The following OGG1 variants were observed in gnomAD, a reference collection of about 807,000 sequenced individuals.
OGG1 encodes the protein N-glycosylase/DNA lyase.
A neutral mutation model predicts 42.3 loss-of-function variants in OGG1; 35 were observed. The observed-to-expected ratio is 0.83, with a 90% CI of 0.63 to 1.10. The LOEUF is 1.10. Among genes scored for constraint, OGG1 ranks in the 50% least tolerant of loss-of-function variants. The probability of loss-of-function intolerance (pLI) is 0.00; values close to 1 mark genes in which losing one functional copy is unlikely to be tolerated. For synonymous variants in OGG1, 189 were observed against 179.0 expected, an observed-to-expected ratio of 1.06 and a Z score of -0.44; for missense variants, 484 against 446.7, an observed-to-expected ratio of 1.08 and a Z score of -0.75.
At chr3:9,766,293 C>T in exon 8 of OGG1, 1 of 700,270 alleles carries the variant, frequency 1.4e-6, no homozygotes, top group Middle Eastern at 2.6e-4. Context: ...ATTATGTGGC[C>T]CTCTGGATCC....
At chr3:9,759,097 T>C, downstream of OGG1, 1 of 1,078,804 alleles carries the variant, frequency 9.3e-7, no homozygotes, top group Non-Finnish European at 1.4e-6. Context: ...CCTCAGCCCC[T>C]CCAGTCTGGC....
chr3:9,757,848 T>C, downstream of OGG1: 2 of 1,603,232 alleles, frequency 1.2e-6, no homozygotes, highest in Non-Finnish European at 1.7e-6. This position sits in a 1 kb window ranked among gnomAD's most constrained non-coding sequence, Gnocchi z 4.5. Context: ...GAAGGCTTGC[T>C]GGCATTGAAG....
intron 3 of OGG1, chr3:9,787,035 T>A: frequency 6.2e-7 from 1 of 1,614,180 alleles, no homozygotes; most frequent in Non-Finnish European, 8.5e-7. Flanking sequence ...AGGCGCTGCG[T>A]CAGGGCACCA....
chr3:9,766,097 A>G (rs2125594295), exon 8 of OGG1: 1 of 1,482,630 alleles, frequency 6.7e-7, no homozygotes, highest in Middle Eastern at 1.7e-4. Context: ...GGCCACAGTA[A>G]TTGGTCATGT....
intron 7 of OGG1, among the ~76,000 whole-genome samples, chr3:9,763,841 C>T (rs2078009537): frequency 6.6e-6 from 1 of 152,074 alleles, no homozygotes; most frequent in South Asian, 2.1e-4. Flanking sequence ...CAAAAATTAG[C>T]CAGGCATGGT....
chr3:9,751,965 C>T lies in OGG1; in HGVS notation c.565+16C>T. On this transcript the variant is annotated intron_variant, in intron 3 of 6. Coordinates refer to ENST00000344629, the MANE Select transcript of OGG1 (RefSeq NM_002542.6). ...GCCCTGGCTGGTGAGTAGGTGGGTC[C>T]CCTGCCCCCAGGCCTTCCATCAGCT... 1 of 1,612,318 alleles carries T rather than the reference C, an allele frequency of 6.2e-7. No individual in the cohort carries two copies. The highest frequency in any genetic ancestry group is 1.7e-5 in the Admixed American group (1 of 59,994).
rs757357172 is a variant in OGG1, at chr3:9,754,903, A to G, written c.747+18A>G. On this transcript the variant is annotated intron_variant, in intron 4 of 6. Coordinates refer to ENST00000344629, the MANE Select transcript of OGG1 (RefSeq NM_002542.6). ...GCACCAAGGTGAGGCCCCAGGGGGT[A>G]GGAGCTGCCCTCTCTACTGACACTA... 7.0e-6 allele frequency: 11 copies of G among 1,567,866 alleles called. No homozygotes were observed. The South Asian group carries it at 1.2e-4, about 17-fold the overall frequency.
At chr3:9,760,954 G>T, downstream of OGG1, 3 of 844,076 alleles carry the variant, frequency 3.6e-6, no homozygotes, top group Non-Finnish European at 3.5e-6. Flanking sequence ...TGTATGTGCC[G>T]CCATCTTGCC....
At chr3:9,757,478 AG>A, downstream of OGG1, 1 of 1,603,206 alleles carries the variant, frequency 6.2e-7, no homozygotes. The surrounding 1 kb of genome is among the most constrained non-coding windows in gnomAD (Gnocchi z 4.5). Context: ...CAGGGAGGGA[AG>A]GGGAGCAGGC....
intron 7 of OGG1, chr3:9,763,156 GAGGT>G: frequency 6.2e-7 from 1 of 1,614,122 alleles, no homozygotes; most frequent in Non-Finnish European, 8.5e-7. Flanking sequence ...TGATGAGGTA[GAGGT>G]GGCCCCCACT....
At chr3:9,750,507 T>C (rs2077250549) in intron 1 of OGG1, 84 bp downstream of exon 1, 1 of 1,585,178 alleles carries the variant, frequency 6.3e-7, no homozygotes, top group African/African-American at 1.3e-5. Context: ...ACAAAGGAAT[T>C]TGGGGGATGA....
chr3:9,767,695 T>C, downstream of OGG1: 4 of 1,614,148 alleles, frequency 2.5e-6, no homozygotes, highest in Non-Finnish European at 3.4e-6. Context: ...AAGTCGTAGA[T>C]GTCTCTAATG....
downstream of OGG1, chr3:9,759,956 CAT>C (rs927614459): frequency 5.8e-5 from 40 of 686,626 alleles, no homozygotes; most frequent in African/African-American, 6.9e-4. Flanking sequence ...TTAAGAAAAA[CAT>C]ATGGCCGGGC....
chr3:9,750,157 A>G lies in OGG1; in HGVS notation c.-130A>G. Reference sequence around the variant, plus strand: ...GTGGAGGAATTAAGTGAAACAGGGAAGGTTGTTAAACAGCACCGTGTGGGC... The same window carrying G: ...GTGGAGGAATTAAGTGAAACAGGGAGGGTTGTTAAACAGCACCGTGTGGGC... On this transcript the variant is annotated 5_prime_UTR_variant, in exon 1 of 7. Transcript: ENST00000344629. The G allele has an allele frequency of 8.6e-7, 1 of 1,161,408 alleles. No homozygotes were observed. The highest frequency in any genetic ancestry group is 1.2e-6 in the Non-Finnish European group (1 of 826,318). 71.9% of individuals were successfully genotyped at this position (1,161,408 alleles called of 1,614,324 possible).
At chr3:9,784,140 C>T in intron 3 of OGG1, 1 of 1,614,182 alleles carries the variant, frequency 6.2e-7, no homozygotes, top group East Asian at 2.2e-5. Context: ...GCGGGGCGGT[C>T]CTCAGACTCC....
In OGG1 at chr3:9,757,072, T is replaced by G; in HGVS notation, c.960T>G (p.Ser320Arg). The G allele has an allele frequency of 3.1e-6, 5 of 1,614,064 alleles. No homozygotes were observed. Among genetic ancestry groups the G allele is most frequent in the Non-Finnish European group, 4.2e-6 (5 of 1,180,028 alleles). The change falls in exon 7 of 7, where the codon AGT becomes AGG. Residue 320 changes from serine (S) to arginine (R), a missense_variant. Transcript: ENST00000344629. The surrounding 1 kb of genome is among the most constrained non-coding windows in gnomAD (Gnocchi z 4.5). Reference protein sequence around the residue: ...YAGWAQAVLFSADLRQSRHAQ... With the variant: ...YAGWAQAVLFRADLRQSRHAQ... ...CCACCCTCCTACAGGTGCTGTTCAGTGCCGACCTGCGCCAATCCCGCCATG... is the reference window on the plus strand; with the variant it reads ...CCACCCTCCTACAGGTGCTGTTCAGGGCCGACCTGCGCCAATCCCGCCATG...
chr3:9,784,299 G>A, intron 3 of OGG1: 1 of 1,488,424 alleles, frequency 6.7e-7, no homozygotes, highest in Non-Finnish European at 9.0e-7. Flanking sequence ...CCCAAGGTCA[G>A]TGAAAACCTG....
chr3:9,761,076 C>G, downstream of OGG1: 1 of 372,120 alleles, frequency 2.7e-6, no homozygotes, highest in Non-Finnish European at 5.0e-6. Context: ...CGAGCCCTTC[C>G]CTGACCTCCC....
intron 2 of OGG1, among the ~76,000 whole-genome samples, chr3:9,777,924 A>G (rs1444027058): frequency 1.3e-5 from 2 of 152,178 alleles, no homozygotes; most frequent in Non-Finnish European, 2.9e-5. Context: ...GCCCAAGTAT[A>G]GGGAGTACCA....
Sources: gnomAD v4.1 joint callset for allele counts (sites outside exome capture counted in the v4.1 genomes callset) on GRCh38, gnomAD v4.1.1 for gene constraint, Gnocchi (gnomAD v3.1) non-coding constraint, MANE v1.5 for transcripts, NCBI Gene and HGNC (gene_info 2026-07-23, HGNC 2026-07-21) for gene names.